The following PCNT variants were observed in gnomAD, a reference collection of about 807,000 sequenced individuals.
PCNT encodes kendrin.
In PCNT, 319 loss-of-function variants were observed where a neutral mutation model predicts 380.4. That is an observed-to-expected ratio of 0.84 (90% CI 0.77 to 0.92). The LOEUF (loss-of-function observed/expected upper bound fraction) is 0.92. Ranked by LOEUF, PCNT falls within the 40% of genes least tolerant of loss-of-function variation. PCNT has a pLI of 0.00. For synonymous variants in PCNT, 1,845 were observed against 1,735.2 expected (o/e 1.06, Z -1.57); for missense variants, 4,400 against 4,255.3 (o/e 1.03, Z -0.95).
At chr21:46,325,425 G>A (rs2083351267) in intron 1 of PCNT, among the ~76,000 whole-genome samples, 1 of 152,246 alleles carries the variant, frequency 6.6e-6, no homozygotes, top group Non-Finnish European at 1.5e-5. Context: ...CGCCTGTAGG[G>A]CGACGCAGGC....
At chr21:46,393,404 T>G (rs1458587718) in intron 21 of PCNT, among the ~76,000 whole-genome samples, 2 of 152,150 alleles carry the variant, frequency 1.3e-5, no homozygotes, top group Non-Finnish European at 2.9e-5. Context: ...TGGGCGTCCG[T>G]TGTCGCTGTT....
intron 45 of PCNT, 118 bp from the exon 46 acceptor site, chr21:46,444,576 G>A (rs1313980122): frequency 2.3e-5 from 24 of 1,066,092 alleles, no homozygotes; most frequent in Middle Eastern, 2.7e-4. Flanking sequence ...CCATCCCCAC[G>A]GGTCTGGTTG....
rs774301116 is a variant in PCNT, at chr21:46,444,751, A to G, written c.9897A>G (p.Pro3299=). 49 of 1,613,132 alleles carry G rather than the reference A, an allele frequency of 3.0e-5. No individual in the cohort carries two copies. Among genetic ancestry groups the G allele is most frequent in the Non-Finnish European group, 4.2e-5 (49 of 1,179,280 alleles). The change falls in exon 46 of 47, where the codon CCA becomes CCG. Residue 3299 remains proline (P), a synonymous_variant. Coordinates refer to ENST00000359568, the MANE Select transcript of PCNT (RefSeq NM_006031.6). ...LERSLTASQD[P]EHSLTEYIHH... ...GATCCCTGACTGCTTCTCAAGATCCAGAACATTCCTTGACAGAGTATATTC... is the reference window on the plus strand; with the variant it reads ...GATCCCTGACTGCTTCTCAAGATCCGGAACATTCCTTGACAGAGTATATTC...
At position 46,368,242 on chromosome 21, in the gene PCNT, G is replaced by A. The variant is rs575238240; in HGVS notation, c.3165+1103G>A. Among the ~76,000 whole-genome samples, 381 of 152,176 alleles carry A rather than the reference G, an allele frequency of 2.5e-3. 2 individuals are homozygous for A. Among genetic ancestry groups the A allele is most frequent in the African/African-American group, 8.7e-3 (363 of 41,520 alleles). Reference sequence around the variant, plus strand: ...GGGCAGATCACAAGGTCAGGTGATCGAGACCATCCTGGCTAACACGGTGAA... The same window carrying A: ...GGGCAGATCACAAGGTCAGGTGATCAAGACCATCCTGGCTAACACGGTGAA... On this transcript the variant is annotated intron_variant, in intron 15 of 46. Coordinates refer to ENST00000359568, the MANE Select transcript of PCNT (RefSeq NM_006031.6).
At chr21:46,412,369 G>T (rs1358156180) in intron 28 of PCNT, among the ~76,000 whole-genome samples, 2 of 152,228 alleles carry the variant, frequency 1.3e-5, no homozygotes, top group Non-Finnish European at 2.9e-5. Flanking sequence ...AGCTCACTAT[G>T]TGAGGAGGGT....
chr21:46,411,230 C>A lies in PCNT; in HGVS notation c.5157C>A (p.Ala1719=). Residue 1719 remains alanine, a synonymous_variant, in exon 28 of 47, where the codon GCC becomes GCA. Transcript: ENST00000359568. ...GTTCTGAGATTGAAGAGCTGAAAGC[C>A]ACTATTGAAAATCTGCAAGAGAATC... The part of the protein sequence containing the change: ...TRSSEIEELK[A]TIENLQENQK... 6.2e-7 allele frequency: 1 copy of A among 1,614,090 alleles called. No individual in the cohort carries two copies. The highest frequency in any genetic ancestry group is 8.5e-7 in the Non-Finnish European group (1 of 1,179,970).
intron 3 of PCNT, among the ~76,000 whole-genome samples, chr21:46,345,852 T>C (rs1189755022): frequency 1.3e-5 from 2 of 152,196 alleles, no homozygotes; most frequent in African/African-American, 2.4e-5. Context: ...CTGTGTCTGC[T>C]CTGTCACTCA....
rs892225385 is a variant in PCNT at position 46,444,964 on chromosome 21, T to C, written c.9967+143T>C. ...ATCAGTGTCACTAATAGTATTAGAA[T>C]AGAGGCTACAAGTGAAGAATCTCAC... is the stretch of plus-strand genomic sequence containing the variant. On this transcript the variant is annotated intron_variant, in intron 46 of 46. Coordinates refer to ENST00000359568, the MANE Select transcript of PCNT (RefSeq NM_006031.6). The C allele has an allele frequency of 5.6e-5, 45 of 805,606 alleles. No homozygotes were observed. In the Admixed American group the frequency reaches 8.5e-4, roughly 15 times the overall value. The allele number at this position is 805,606 out of a possible 1,614,324, so 49.9% of individuals were successfully genotyped here. A position where few individuals can be genotyped will look rare whatever the true frequency, so the allele number is the denominator to read the frequency against.
intron 21 of PCNT, among the ~76,000 whole-genome samples, chr21:46,393,775 G>C (rs1275522792): frequency 1.3e-5 from 2 of 152,332 alleles, no homozygotes; most frequent in Middle Eastern, 3.4e-3. Context: ...GGCTGTGGTG[G>C]CCCGTCTGCT....
chr21:46,390,716 G>A lies in PCNT; in HGVS notation c.3887G>A (p.Ser1296Asn). The change falls in exon 20 of 47, where the codon AGT becomes AAT. Residue 1296 changes from serine (S) to asparagine (N), a missense_variant. Coordinates refer to ENST00000359568, the MANE Select transcript of PCNT (RefSeq NM_006031.6). ...QIHSRFEKEF[S>N]FKNEETAQVV... ...CATTCTCGTTTTGAAAAAGAATTTA[G>A]TTTTAAGAATGAGGAGACAGCACAG... 6.2e-7 allele frequency: 1 copy of A among 1,614,056 alleles called. No individual in the cohort carries two copies. The highest frequency in any genetic ancestry group is 1.7e-5 in the Admixed American group (1 of 60,024).
chr21:46,389,392 G>A lies in PCNT; in HGVS notation c.3801G>A (p.Val1267=). Residue 1267 remains valine (V), a synonymous_variant, in exon 19 of 47, where the codon GTG becomes GTA. Coordinates refer to ENST00000359568, the MANE Select transcript of PCNT (RefSeq NM_006031.6). Reference sequence around the variant, plus strand: ...TCTTCCAGAGCCTCAGCCTGGCCGTGGACGGCCTCATGGAGATGGCCCTGG... The same window carrying A: ...TCTTCCAGAGCCTCAGCCTGGCCGTAGACGGCCTCATGGAGATGGCCCTGG... ...RRVFQSLSLA[V]DGLMEMALDS... The A allele has an allele frequency of 1.2e-6, 2 of 1,614,142 alleles. No individual in the cohort carries two copies. Among genetic ancestry groups the A allele is most frequent in the African/African-American group, 1.3e-5 (1 of 75,070 alleles).
At position 46,391,208 on chromosome 21, in the gene PCNT, G is replaced by T. The variant is rs768780649; in HGVS notation, c.4048G>T (p.Val1350Leu). 3 of 1,609,458 alleles carry T rather than the reference G, an allele frequency of 1.9e-6. No homozygotes were observed. The highest frequency in any genetic ancestry group is 1.1e-5 in the South Asian group (1 of 89,772). ...GGTGGAGACAGCAGATCTGAAGGAG[G>T]TGCTGGCCGGGAAGGAGGATTCCGA... is the stretch of plus-strand genomic sequence containing the variant. Reference protein sequence around the residue: ...FKVETADLKEVLAGKEDSEHR... With the variant: ...FKVETADLKELLAGKEDSEHR... Residue 1350 changes from valine to leucine, a missense_variant, in exon 21 of 47, where the codon GTG (valine) becomes TTG (leucine). Coordinates refer to ENST00000359568, the MANE Select transcript of PCNT (RefSeq NM_006031.6).
chr21:46,329,791 TTAA>T (rs1239300906), intron 2 of PCNT, among the ~76,000 whole-genome samples: 1 of 152,228 alleles, frequency 6.6e-6, no homozygotes, highest in African/African-American at 2.4e-5. Context: ...ACTTAACTGT[TTAA>T]AGCAGTATTT....
intron 3 of PCNT, 108 bp downstream of exon 3, chr21:46,334,876 T>G: frequency 6.5e-7 from 1 of 1,544,880 alleles, no homozygotes; most frequent in Non-Finnish European, 8.8e-7. Context: ...GGCCTCTCTT[T>G]AGAAGTGGAA....
At chr21:46,372,278 T>C (rs904410974) in intron 15 of PCNT, among the ~76,000 whole-genome samples, 1 of 148,916 alleles carries the variant, frequency 6.7e-6, no homozygotes, top group Non-Finnish European at 1.5e-5. Context: ...AGCACATGCA[T>C]GCACACAGCA....
At chr21:46,442,847 C>A in intron 44 of PCNT, 1 of 512,460 alleles carries the variant, frequency 2.0e-6, no homozygotes, top group Non-Finnish European at 3.5e-6. Flanking sequence ...TAGTGTTTAG[C>A]AAAATGGTCT....
chr21:46,444,076 C>G, intron 45 of PCNT, 128 bp downstream of exon 45: 1 of 974,300 alleles, frequency 1.0e-6, no homozygotes, highest in Non-Finnish European at 1.5e-6. Context: ...AACTCTCCAG[C>G]GTGAGTCCGT....
intron 19 of PCNT, among the ~76,000 whole-genome samples, chr21:46,389,656 C>G (rs192365365): frequency 2.7e-4 from 41 of 152,364 alleles, no homozygotes; most frequent in Admixed American, 2.3e-3. Context: ...ACTTCATGCA[C>G]TGTTGCAATT....
Position 46,346,772 on chromosome 21 carries a change from G to A in PCNT, c.750G>A (p.Leu250=), listed in dbSNP as rs370350337. ...QAVHGLELEA[L]RLSLSNMHTA... Reference sequence around the variant, plus strand: ...TGCATGGCCTTGAGCTGGAGGCGCTGCGCCTGAGTCTGAGCAACATGCACA... The same window carrying A: ...TGCATGGCCTTGAGCTGGAGGCGCTACGCCTGAGTCTGAGCAACATGCACA... Residue 250 remains leucine, a synonymous_variant, in exon 5 of 47, where the codon CTG becomes CTA. Transcript: ENST00000359568. 1.9e-6 allele frequency: 3 copies of A among 1,597,532 alleles called. No individual in the cohort carries two copies. Among genetic ancestry groups the A allele is most frequent in the African/African-American group, 1.3e-5 (1 of 74,926 alleles).
Sources: allele counts gnomAD v4.1 joint callset (sites outside exome capture counted in the v4.1 genomes callset), GRCh38; gene constraint gnomAD v4.1.1; transcripts MANE v1.5; gene names NCBI Gene and HGNC (gene_info 2026-07-23, HGNC 2026-07-21).